Variants in MANBA observed in about 807,000 individuals in gnomAD.
The protein encoded by MANBA is mannosidase beta.
Under a neutral mutation model 111.1 loss-of-function variants are expected in MANBA, and 83 were observed. The ratio of observed to expected loss-of-function variants is 0.75; its 90% confidence interval spans 0.63 to 0.90. MANBA has a LOEUF of 0.90. Ranked by LOEUF, MANBA falls within the 40% of genes least tolerant of loss-of-function variation. The pLI, the probability that MANBA is intolerant of heterozygous loss-of-function variation, is 0.00. For synonymous variants in MANBA, 370 were observed against 378.7 expected (o/e 0.98, Z 0.27); for missense variants, 1,036 against 1,069.0 (o/e 0.97, Z 0.43).
intron 1 of MANBA, among the ~76,000 whole-genome samples, chr4:102,758,671 T>C (rs1197037052): frequency 6.6e-6 from 1 of 151,912 alleles, no homozygotes; most frequent in Non-Finnish European, 1.5e-5. Flanking sequence ...GCCTCCCTCG[T>C]AGCTAGGACC....
At chr4:102,726,348 A>G (rs955141382) in intron 2 of MANBA, among the ~76,000 whole-genome samples, 1 of 152,204 alleles carries the variant, frequency 6.6e-6, no homozygotes, top group Non-Finnish European at 1.5e-5. Flanking sequence ...ATAAGACACA[A>G]TTTGGTGACT....
At chr4:102,657,938 T>C in intron 11 of MANBA, 38 bp from the exon 12 acceptor site, 1 of 1,368,334 alleles carries the variant, frequency 7.3e-7, no homozygotes, top group East Asian at 2.3e-5. Context: ...GGATAATATA[T>C]TCATCCTGTA....
At chr4:102,647,672 G>A (rs1010497485) in intron 13 of MANBA, among the ~76,000 whole-genome samples, 4 of 152,042 alleles carry the variant, frequency 2.6e-5, no homozygotes, top group African/African-American at 9.7e-5. Flanking sequence ...TCAAGGGACA[G>A]ATACCAACAT....
intron 13 of MANBA, among the ~76,000 whole-genome samples, chr4:102,643,400 G>C (rs1729965093): frequency 6.6e-6 from 1 of 152,032 alleles, no homozygotes; most frequent in Admixed American, 6.6e-5. Context: ...CAATTTTCTT[G>C]AGTATATATA....
intron 7 of MANBA, among the ~76,000 whole-genome samples, chr4:102,687,574 G>A (rs1018153529): frequency 2.0e-5 from 3 of 152,052 alleles, no homozygotes; most frequent in African/African-American, 4.8e-5. Context: ...GGGCCTTCAC[G>A]TTCTTTTCCC....
Position 102,689,683 on chromosome 4 carries a change from T to G in MANBA, c.851A>C (p.Asn284Thr). ...IVELFVNISKNITVETWWPHG... is the reference protein window; with the variant it reads ...IVELFVNISKTITVETWWPHG... The stretch of plus-strand genomic sequence containing the variant: ...AGGCCACCAAGTTTCTACAGTAATA[T>G]TCTTTTAAGAAAATTTAAAAGTCAC... The change falls in exon 7 of 17, where the codon AAT becomes ACT. Residue 284 changes from asparagine (N) to threonine (T), a missense_variant and splice_region_variant. By Grantham distance (65) the Asn-to-Thr change is moderately conservative (BLOSUM62 0). Coordinates refer to ENST00000647097, the MANE Select transcript of MANBA (RefSeq NM_005908.4). The G allele has an allele frequency of 6.4e-7, 1 of 1,557,282 alleles. No homozygotes were observed. The highest frequency in any genetic ancestry group is 8.9e-7 in the Non-Finnish European group (1 of 1,128,732).
At chr4:102,665,875 T>C (rs970919975) in intron 10 of MANBA, 2 of 152,202 alleles carry the variant, frequency 1.3e-5, no homozygotes, top group Admixed American at 6.5e-5. Flanking sequence ...CTCAATGTGT[T>C]CTCCATTCAA....
At chr4:102,636,601 G>A (rs562671184) in intron 14 of MANBA, among the ~76,000 whole-genome samples, 15 of 152,212 alleles carry the variant, frequency 9.9e-5, no homozygotes, top group African/African-American at 3.1e-4. Flanking sequence ...CCTACTGCAC[G>A]CACTAGAAGC....
chr4:102,738,037 C>A (rs1578952099), intron 1 of MANBA, among the ~76,000 whole-genome samples: 1 of 152,280 alleles, frequency 6.6e-6, no homozygotes, highest in South Asian at 2.1e-4. Flanking sequence ...ACCTGAGAAA[C>A]CCAAGTACTC....
At chr4:102,662,195 C>T (rs1241510769) in intron 11 of MANBA, among the ~76,000 whole-genome samples, 1 of 152,044 alleles carries the variant, frequency 6.6e-6, no homozygotes, top group Non-Finnish European at 1.5e-5. Flanking sequence ...CCTTGTTGAA[C>T]AAAAGCAATA....
In MANBA at chr4:102,634,924, C is replaced by T. The variant is rs138168963; in HGVS notation, c.2279G>A (p.Arg760Lys). 1 of 1,614,116 alleles carries T rather than the reference C, an allele frequency of 6.2e-7. No homozygotes were observed. The highest frequency in any genetic ancestry group is 1.3e-5 in the African/African-American group (1 of 74,942). The part of the protein sequence containing the change: ...YEEPVSELLR[R>K]CGNCTRESCV... ...GCTTTCCCGTGTGCAATTCCCACAT[C>T]TCCTCAGCAATTCAGACACTGGCTC... The change falls in exon 16 of 17, where the codon AGA (arginine) becomes AAA (lysine). Residue 760 changes from arginine to lysine, a missense_variant. Physicochemically the swap from Arg to Lys is conservative, Grantham distance 26. Coordinates refer to ENST00000647097, the MANE Select transcript of MANBA (RefSeq NM_005908.4).
At chr4:102,721,321 CTCA>C (rs1722563634) in intron 4 of MANBA, among the ~76,000 whole-genome samples, 2 of 146,070 alleles carry the variant, frequency 1.4e-5, no homozygotes, top group South Asian at 4.2e-4. Flanking sequence ...AAGACTCCAT[CTCA>C]AATACATAAA....
rs371143315 is a variant in MANBA at position 102,760,941 on chromosome 4, C to T, written c.-47G>A. On this transcript the variant is annotated 5_prime_UTR_variant, in exon 1 of 17. Transcript: ENST00000647097. ...GATGTGGAGAGATCGAAAGGCAGCG[C>T]TGCAAGGGACCGGCGGTGAAGCCAC... 454 of 1,520,424 alleles carry T rather than the reference C, an allele frequency of 3.0e-4. 3 individuals carry two copies. The African/African-American group carries it at 5.8e-3, about 19-fold the overall frequency. 94.2% of individuals were successfully genotyped at this position (1,520,424 alleles called of 1,614,324 possible). A position where few individuals can be genotyped will look rare whatever the true frequency, so the allele number is the denominator to read the frequency against.
At chr4:102,686,458 A>G (rs1694940098) in intron 7 of MANBA, among the ~76,000 whole-genome samples, 1 of 152,096 alleles carries the variant, frequency 6.6e-6, no homozygotes, top group Non-Finnish European at 1.5e-5. Context: ...ACCTGGTCTA[A>G]GCATAGTTTC....
At chr4:102,700,745 C>A (rs1235868487) in intron 5 of MANBA, among the ~76,000 whole-genome samples, 13 of 152,064 alleles carry the variant, frequency 8.5e-5, no homozygotes, top group Admixed American at 8.5e-4. Context: ...AATTTATGTT[C>A]TTCTACATTT....
At chr4:102,742,939 G>A (rs1221095947) in intron 1 of MANBA, among the ~76,000 whole-genome samples, 2 of 152,228 alleles carry the variant, frequency 1.3e-5, no homozygotes, top group African/African-American at 2.4e-5. Context: ...CCGTGGCCAG[G>A]TCAGCCTTGC....
intron 1 of MANBA, chr4:102,730,131 G>T (rs1722977727): frequency 2.5e-6 from 3 of 1,209,922 alleles, no homozygotes; most frequent in Admixed American, 2.5e-5. Context: ...GGGCCCAGAG[G>T]TGGACACCTT....
intron 11 of MANBA, 108 bp from the exon 12 acceptor site, chr4:102,658,008 G>A (rs1360293620): frequency 2.4e-6 from 2 of 826,390 alleles, no homozygotes; most frequent in African/African-American, 1.7e-5. Flanking sequence ...CCAAGTAGCT[G>A]ATAGAAAATT....
chr4:102,680,903 C>A (rs1731948757), intron 7 of MANBA, among the ~76,000 whole-genome samples: 1 of 152,162 alleles, frequency 6.6e-6, no homozygotes, highest in African/African-American at 2.4e-5. Flanking sequence ...TCTCTGTTTC[C>A]AGAAAGGTAA....
Sources: allele counts gnomAD v4.1 joint callset (sites outside exome capture counted in the v4.1 genomes callset), GRCh38; gene constraint gnomAD v4.1.1; transcripts MANE v1.5; gene names NCBI Gene and HGNC (gene_info 2026-07-23, HGNC 2026-07-21).